Variants in B3GAT2 observed in about 807,000 individuals in gnomAD.
The protein encoded by B3GAT2 is beta-1,3-glucuronyltransferase 2.
Under a neutral mutation model 27.8 loss-of-function variants are expected in B3GAT2, and 26 were observed. The ratio of observed to expected loss-of-function variants is 0.93; its 90% CI spans 0.68 to 1.30. B3GAT2 has a LOEUF of 1.30. B3GAT2 is among the 50% of genes most tolerant of loss of function. The probability of loss-of-function intolerance (pLI) is 0.00; values close to 1 mark genes in which losing one functional copy is unlikely to be tolerated. For missense variants in B3GAT2, 458 were observed against 459.0 expected (o/e 1.00, Z 0.02); for synonymous variants, 218 against 195.1 (o/e 1.12, Z -0.98).
At chr6:70,889,338 C>T (rs1259854257) in intron 2 of B3GAT2, among the ~76,000 whole-genome samples, 39 of 152,236 alleles carry the variant, frequency 2.6e-4, no homozygotes, top group African/African-American at 8.9e-4. Flanking sequence ...GAAACTGCCA[C>T]CATCTGTCTT....
chr6:70,892,841 C>T (rs928289041), intron 2 of B3GAT2, among the ~76,000 whole-genome samples: 1 of 152,198 alleles, frequency 6.6e-6, no homozygotes, highest in Admixed American at 6.5e-5. Flanking sequence ...GAGGGCAGGC[C>T]TCTTTCGAGG....
At chr6:70,871,989 T>C (rs151333548) in intron 2 of B3GAT2, among the ~76,000 whole-genome samples, 204 of 152,066 alleles carry the variant, frequency 1.3e-3, no homozygotes, top group African/African-American at 4.7e-3. Context: ...ATAATTTCCA[T>C]ATATTTGTGA....
intron 1 of B3GAT2, among the ~76,000 whole-genome samples, chr6:70,895,549 A>G (rs1191113088): frequency 9.1e-6 from 1 of 110,160 alleles, no homozygotes; most frequent in Non-Finnish European, 1.7e-5. Flanking sequence ...TCTGTTGCCC[A>G]GGCTGGAGTG....
In B3GAT2 at chr6:70,955,868, T is replaced by C. The variant is rs1316312636; in HGVS notation, c.562A>G (p.Asn188Asp). The part of the protein sequence containing the change: ...PGVLFFADDD[N>D]TYSLELFQEM... Reference sequence around the variant, plus strand: ...TGGAAGAGCTCCAGACTATAGGTGTTGTCGTCGTCAGCGAAGAAGAGCACG... The same window carrying C: ...TGGAAGAGCTCCAGACTATAGGTGTCGTCGTCGTCAGCGAAGAAGAGCACG... Residue 188 changes from asparagine to aspartate, a missense_variant, in exon 1 of 4, where the codon AAC becomes GAC. By Grantham distance (23) the Asn-to-Asp change is conservative. Coordinates refer to ENST00000230053, the MANE Select transcript of B3GAT2 (RefSeq NM_080742.3). 6.2e-7 allele frequency: 1 copy of C among 1,603,930 alleles called. No individual in the cohort carries two copies. Among genetic ancestry groups the C allele is most frequent in the Non-Finnish European group, 8.5e-7 (1 of 1,176,218 alleles).
intron 1 of B3GAT2, among the ~76,000 whole-genome samples, chr6:70,948,058 T>C (rs1765521186): frequency 6.6e-6 from 1 of 151,846 alleles, no homozygotes; most frequent in Admixed American, 6.6e-5. Flanking sequence ...TCTCAATAAA[T>C]TAGGTATTGA....
intron 1 of B3GAT2, among the ~76,000 whole-genome samples, chr6:70,946,037 C>T (rs944512336): frequency 6.6e-6 from 1 of 152,110 alleles, no homozygotes; most frequent in African/African-American, 2.4e-5. Context: ...GATTTTGCCA[C>T]CACCAGGCCT....
At chr6:70,908,829 C>A (rs999540552) in intron 1 of B3GAT2, among the ~76,000 whole-genome samples, 6 of 152,068 alleles carry the variant, frequency 3.9e-5, no homozygotes, top group Non-Finnish European at 5.9e-5. Flanking sequence ...AAAAAAAATT[C>A]TCAGGTTCTC....
In B3GAT2 at chr6:70,858,235, G is replaced by C. The variant is rs750920436; in HGVS notation, c.*3428C>G. The C allele has an allele frequency of 2.7e-5, 44 of 1,602,130 alleles. No homozygotes were observed. The highest frequency in any genetic ancestry group is 3.4e-5 in the Non-Finnish European group (40 of 1,173,912). On this transcript the variant is annotated 3_prime_UTR_variant, in exon 4 of 4. Transcript: ENST00000230053. ...CCCAGTGGAGCCTCTCACAGGTAGG[G>C]GTCATTTACTTTCTAGCTTCTCCCA...
intron 1 of B3GAT2, among the ~76,000 whole-genome samples, chr6:70,910,444 A>G (rs1042422639): frequency 1.2e-4 from 19 of 152,172 alleles, no homozygotes; most frequent in African/African-American, 4.3e-4. Flanking sequence ...CTGTTCCTAC[A>G]TTAGTTCGCT....
chr6:70,949,478 G>T (rs1213213183), intron 1 of B3GAT2, among the ~76,000 whole-genome samples: 1 of 150,274 alleles, frequency 6.7e-6, no homozygotes, highest in Non-Finnish European at 1.5e-5. Context: ...GGCCATCAGA[G>T]AAATGCAAAT....
At chr6:70,904,164 T>C (rs1772557612) in intron 1 of B3GAT2, among the ~76,000 whole-genome samples, 1 of 152,124 alleles carries the variant, frequency 6.6e-6, no homozygotes, top group Non-Finnish European at 1.5e-5. Context: ...GTTATTCCAC[T>C]TACATGAAAT....
Position 70,857,036 on chromosome 6 carries a change from G to A in B3GAT2, c.*4627C>T, listed in dbSNP as rs373898587. ...TCAACAGCAAAGTACTCCTGGTAAT[G>A]AATTTTGATATCTGCTTTCAGTGAC... On this transcript the variant is annotated 3_prime_UTR_variant, in exon 4 of 4. Coordinates refer to ENST00000230053, the MANE Select transcript of B3GAT2 (RefSeq NM_080742.3). The A allele has an allele frequency of 2.6e-4, 407 of 1,593,782 alleles. 2 individuals are homozygous for A. In the Middle Eastern group the frequency reaches 7.4e-3, roughly 29 times the overall value.
rs756691800 is a variant in B3GAT2, at chr6:70,894,110, A to T, written c.736+18T>A. ...GAACAGTCCAGCAGGAACAAATGTC[A>T]TCACCCACACTGCTCACCTGCCATG... is the stretch of plus-strand genomic sequence containing the variant. On this transcript the variant is annotated intron_variant, in intron 2 of 3. Transcript: ENST00000230053. The T allele has an allele frequency of 1.3e-6, 2 of 1,592,636 alleles. No individual in the cohort carries two copies. Among genetic ancestry groups the T allele is most frequent in the Admixed American group, 3.5e-5 (2 of 56,800 alleles).
At chr6:70,905,812 A>C (rs1582371374) in intron 1 of B3GAT2, among the ~76,000 whole-genome samples, 1 of 152,164 alleles carries the variant, frequency 6.6e-6, no homozygotes. Context: ...GGAATAAATT[A>C]ACATAACTGA....
At chr6:70,884,821 G>A (rs1006890425) in intron 2 of B3GAT2, among the ~76,000 whole-genome samples, 1 of 152,204 alleles carries the variant, frequency 6.6e-6, no homozygotes, top group Non-Finnish European at 1.5e-5. Context: ...TGACCACAGC[G>A]GTTGGCCTGA....
At position 70,858,155 on chromosome 6, in the gene B3GAT2, G is replaced by A. The variant is rs1260077949; in HGVS notation, c.*3508C>T. On this transcript the variant is annotated 3_prime_UTR_variant, in exon 4 of 4. Transcript: ENST00000230053. ...CGTTGTTGGCCCCCAAGGAGGAATG[G>A]TGGGACAAATGGGTGCACCCCAGAG... is the stretch of plus-strand genomic sequence containing the variant. 2 of 1,614,072 alleles carry A rather than the reference G, an allele frequency of 1.2e-6. No homozygotes were observed. Among genetic ancestry groups the A allele is most frequent in the Non-Finnish European group, 1.7e-6 (2 of 1,180,010 alleles).
chr6:70,909,023 A>C lies in B3GAT2; in HGVS notation c.592-14751T>G, dbSNP rs550030547. Among the ~76,000 whole-genome samples, 4 of 152,342 alleles carry C rather than the reference A, an allele frequency of 2.6e-5. No individual in the cohort carries two copies. The South Asian group carries it at 8.3e-4, about 32-fold the overall frequency. On this transcript the variant is annotated intron_variant, in intron 1 of 3. Transcript: ENST00000230053. ...ATGGACTCTTTGTAGCTTCAGAAAA[A>C]GATTAATATTTTACACAGTTAACAT...
chr6:70,923,637 C>T (rs565167045), intron 1 of B3GAT2, among the ~76,000 whole-genome samples: 6 of 152,290 alleles, frequency 3.9e-5, no homozygotes, highest in African/African-American at 1.4e-4. Flanking sequence ...GTACTCCAAT[C>T]TGGGCGACAG....
chr6:70,951,036 T>C (rs1426496326), intron 1 of B3GAT2, among the ~76,000 whole-genome samples: 1 of 152,192 alleles, frequency 6.6e-6, no homozygotes, highest in Non-Finnish European at 1.5e-5. Context: ...ATTTTATTTG[T>C]ATTTTGGTGG....
Sources: allele counts gnomAD v4.1 joint callset (sites outside exome capture counted in the v4.1 genomes callset), GRCh38; gene constraint gnomAD v4.1.1; transcripts MANE v1.5; gene names NCBI Gene and HGNC (gene_info 2026-07-23, HGNC 2026-07-21).